Variants in RAP1A observed in about 807,000 individuals in gnomAD.
RAP1A encodes RAP1A, member of RAS oncogene family.
Under a neutral mutation model 26.4 loss-of-function variants are expected in RAP1A, and 6 were observed. The ratio of observed to expected loss-of-function variants is 0.23; its 90% CI spans 0.12 to 0.45. RAP1A has a LOEUF of 0.45. RAP1A is among the 20% of genes least tolerant of loss of function. The pLI is 0.99. For missense variants in RAP1A, 121 were observed against 217.2 expected (o/e 0.56, Z 2.78); for synonymous variants, 73 against 79.4 (o/e 0.92, Z 0.43).
intron 1 of RAP1A, among the ~76,000 whole-genome samples, chr1:111,625,889 A>G (rs553352620): frequency 6.6e-6 from 1 of 151,790 alleles, no homozygotes; most frequent in East Asian, 1.9e-4. Flanking sequence ...CTATCCTCCC[A>G]CTTCAGCCTC....
intron 4 of RAP1A, among the ~76,000 whole-genome samples, chr1:111,701,617 C>T (rs937674046): frequency 6.6e-6 from 1 of 152,122 alleles, no homozygotes; most frequent in African/African-American, 2.4e-5. Context: ...TGTAGAATGT[C>T]CTTAAGAAGG....
chr1:111,691,278 C>T, intron 1 of RAP1A, 56 bp from the exon 2 acceptor site: 5 of 1,296,858 alleles, frequency 3.9e-6, no homozygotes, highest in South Asian at 2.6e-5. Flanking sequence ...CAGTAGTGTA[C>T]ATTATTAGAC....
chr1:111,566,620 T>C (rs2101052803), intron 1 of RAP1A, among the ~76,000 whole-genome samples: 1 of 152,342 alleles, frequency 6.6e-6, no homozygotes, highest in South Asian at 2.1e-4. Context: ...TTTTGGAAGT[T>C]AATGTATTCC....
rs138225666 is a variant in RAP1A at position 111,542,260 on chromosome 1, G to A, written c.-277G>A. 6 of 607,910 alleles carry A rather than the reference G, an allele frequency of 9.9e-6. No homozygotes were observed. In the East Asian group the frequency reaches 2.7e-4, roughly 28 times the overall value. 37.7% of individuals were successfully genotyped at this position (607,910 alleles called of 1,614,324 possible). ...GGAAACACTGGCGGCACATATTGAG[G>A]CCGTATTTCAGGATCAGACCTGCCG... On this transcript the variant is annotated 5_prime_UTR_variant, in exon 1 of 8. Transcript: ENST00000356415.
chr1:111,672,301 A>C (rs189767385), intron 1 of RAP1A, among the ~76,000 whole-genome samples: 2 of 152,274 alleles, frequency 1.3e-5, no homozygotes, highest in African/African-American at 4.8e-5. Context: ...TAACATATTT[A>C]TATACATGGA....
chr1:111,601,207 C>T (rs768600889), intron 1 of RAP1A, among the ~76,000 whole-genome samples: 3 of 152,170 alleles, frequency 2.0e-5, no homozygotes, highest in Non-Finnish European at 4.4e-5. Flanking sequence ...TTGGTGAGGC[C>T]GGTGATCACC....
chr1:111,651,716 A>T (rs568503815), intron 1 of RAP1A, among the ~76,000 whole-genome samples: 1 of 152,012 alleles, frequency 6.6e-6, no homozygotes, highest in Admixed American at 6.5e-5. Flanking sequence ...ACCTCAAGTG[A>T]TCTGCCTGCC....
intron 1 of RAP1A, chr1:111,650,613 C>T (rs1276686627): frequency 6.6e-6 from 1 of 152,168 alleles, no homozygotes; most frequent in Non-Finnish European, 1.5e-5. Context: ...TGCCCCCACA[C>T]ATGCATAGTC....
intron 1 of RAP1A, among the ~76,000 whole-genome samples, chr1:111,550,524 C>T (rs1657218014): frequency 6.6e-6 from 1 of 152,112 alleles, no homozygotes; most frequent in African/African-American, 2.4e-5. Context: ...ATACATTTTT[C>T]TATGTTATGT....
chr1:111,573,771 G>GT (rs1658095046), intron 1 of RAP1A, among the ~76,000 whole-genome samples: 1 of 151,994 alleles, frequency 6.6e-6, no homozygotes, highest in South Asian at 2.1e-4. Context: ...TTTTTGAAAA[G>GT]TGTCTTTTCA....
intron 1 of RAP1A, among the ~76,000 whole-genome samples, chr1:111,682,060 A>G (rs1039676478): frequency 5.9e-5 from 9 of 152,150 alleles, no homozygotes; most frequent in African/African-American, 1.9e-4. Flanking sequence ...TTAAAACATA[A>G]TTTTCAACCC....
At chr1:111,697,378 G>A in intron 3 of RAP1A, 63 bp from the exon 4 acceptor site, 1 of 1,604,726 alleles carries the variant, frequency 6.2e-7, no homozygotes, top group Non-Finnish European at 8.5e-7. Flanking sequence ...GAAGAGGTGG[G>A]AAGAAAACAG....
chr1:111,554,768 G>A lies in RAP1A; in HGVS notation c.-28+12259G>A, dbSNP rs370562341. Among the ~76,000 whole-genome samples, 13 of 152,150 alleles carry A rather than the reference G, an allele frequency of 8.5e-5. 1 individual carries two copies. Among genetic ancestry groups the A allele is most frequent in the East Asian group, 7.7e-4 (4 of 5,202 alleles). On this transcript the variant is annotated intron_variant, in intron 1 of 7. Coordinates refer to the RAP1A transcript ENST00000356415. The stretch of plus-strand genomic sequence containing the variant: ...CATTTCCTTCATGTTTCTTCAAAGT[G>A]ATTCAGGTTGGTAGACCCCAAGCCC...
At chr1:111,705,262 C>T (rs1180091247) in intron 6 of RAP1A, among the ~76,000 whole-genome samples, 1 of 152,132 alleles carries the variant, frequency 6.6e-6, no homozygotes, top group African/African-American at 2.4e-5. Flanking sequence ...GGCTTCTTTC[C>T]TGCCGTTGCT....
chr1:111,682,520 C>T (rs936526714), intron 1 of RAP1A, among the ~76,000 whole-genome samples: 5 of 141,724 alleles, frequency 3.5e-5, no homozygotes, highest in South Asian at 2.3e-4. Flanking sequence ...AAAAAAAAAG[C>T]GGGGGTTGCA....
At chr1:111,570,402 A>G (rs533637082) in intron 1 of RAP1A, among the ~76,000 whole-genome samples, 1 of 151,952 alleles carries the variant, frequency 6.6e-6, no homozygotes, top group Non-Finnish European at 1.5e-5. Flanking sequence ...TTGATTGCAA[A>G]CTCTGTAAGT....
intron 1 of RAP1A, among the ~76,000 whole-genome samples, chr1:111,689,899 A>G (rs1423460544): frequency 6.6e-6 from 1 of 152,014 alleles, no homozygotes; most frequent in East Asian, 1.9e-4. Context: ...GATGGTCTCG[A>G]TCTCCTGACC....
At chr1:111,643,405 TTC>T (rs1659954601) in intron 1 of RAP1A, among the ~76,000 whole-genome samples, 1 of 152,208 alleles carries the variant, frequency 6.6e-6, no homozygotes, top group African/African-American at 2.4e-5. Context: ...ATTTTTAAAT[TTC>T]TCTGTACATT....
chr1:111,695,692 T>A (rs1454827349), intron 3 of RAP1A, among the ~76,000 whole-genome samples: 1 of 152,216 alleles, frequency 6.6e-6, no homozygotes. Flanking sequence ...ATAGTAGGTG[T>A]GTTTTCAACT....
Sources: allele counts gnomAD v4.1 joint callset (sites outside exome capture counted in the v4.1 genomes callset), GRCh38; gene constraint gnomAD v4.1.1; transcripts MANE v1.5; gene names NCBI Gene and HGNC (gene_info 2026-07-23, HGNC 2026-07-21).